Variants in SLFN12 observed in about 807,000 individuals in gnomAD.
SLFN12 encodes the protein schlafen family member 12, also known as ribonuclease SLFN12.
Under a neutral mutation model 29.1 loss-of-function variants are expected in SLFN12, and 25 were observed. That is an observed-to-expected ratio of 0.86 (90% CI 0.63 to 1.20). SLFN12 has a LOEUF of 1.20. Ranked by LOEUF, SLFN12 falls within the 50% of genes most tolerant of loss-of-function variation. The pLI, the probability that SLFN12 is intolerant of heterozygous loss-of-function variation, is 0.00. For missense variants in SLFN12, 660 were observed against 666.2 expected (o/e 0.99, Z 0.10); for synonymous variants, 257 against 238.7 (o/e 1.08, Z -0.71).
intron 3 of SLFN12, among the ~76,000 whole-genome samples, chr17:35,416,425 A>G (rs560329405): frequency 5.9e-5 from 9 of 152,252 alleles, no homozygotes; most frequent in African/African-American, 2.2e-4. Context: ...TGATAGCTGC[A>G]CCAAAATCTC....
intron 3 of SLFN12, among the ~76,000 whole-genome samples, chr17:35,415,293 G>A (rs1385166823): frequency 6.6e-6 from 1 of 151,964 alleles, no homozygotes; most frequent in East Asian, 1.9e-4. Context: ...AATGGTGCTG[G>A]GATAATCGGC....
At chr17:35,427,647 C>A (rs1482610708) in intron 1 of SLFN12, among the ~76,000 whole-genome samples, 1 of 152,066 alleles carries the variant, frequency 6.6e-6, no homozygotes, top group Admixed American at 6.6e-5. Flanking sequence ...ATAGTATATA[C>A]AACAAGTTTT....
At position 35,411,447 on chromosome 17, in the gene SLFN12, G is replaced by T; in HGVS notation, c.1628C>A (p.Ser543Tyr). The change falls in exon 4 of 4, where the codon TCT becomes TAT. Residue 543 changes from serine to tyrosine, a missense_variant. Physicochemically the swap from Ser to Tyr is moderately radical, Grantham distance 144. Transcript: ENST00000304905. ...TGCAAAGGAAAACTGGTCTCTCAGAGACTTGAGTCTCTTTAAGGCTTTAAA... is the reference window on the plus strand; with the variant it reads ...TGCAAAGGAAAACTGGTCTCTCAGATACTTGAGTCTCTTTAAGGCTTTAAA... ...ALFKALKRLK[S>Y]LRDQFSFAEN... 6.2e-7 allele frequency: 1 copy of T among 1,613,634 alleles called. No individual in the cohort carries two copies. The highest frequency in any genetic ancestry group is 8.5e-7 in the Non-Finnish European group (1 of 1,179,802).
intron 2 of SLFN12, 113 bp from the exon 3 acceptor site, chr17:35,420,494 A>G: frequency 4.5e-6 from 3 of 669,870 alleles, no homozygotes; most frequent in Non-Finnish European, 7.3e-6. Flanking sequence ...TTTCCAAAAA[A>G]AAATTAATGT....
In SLFN12 at chr17:35,419,815, G is replaced by A. The variant is rs536169326; in HGVS notation, c.1147+459C>T. ...TCTTGCACATATGCACTAGAAGACCGACTAAGAATGTTCAAGGTAACACTG... is the reference window on the plus strand; with the variant it reads ...TCTTGCACATATGCACTAGAAGACCAACTAAGAATGTTCAAGGTAACACTG... On this transcript the variant is annotated intron_variant, in intron 3 of 3. Coordinates refer to ENST00000304905, the MANE Select transcript of SLFN12 (RefSeq NM_018042.5). Among the ~76,000 whole-genome samples the A allele has an allele frequency of 8.5e-5, 13 of 152,162 alleles. No individual in the cohort carries two copies. The South Asian group carries it at 2.3e-3, about 27-fold the overall frequency.
intron 1 of SLFN12, 60 bp downstream of exon 1, chr17:35,432,128 C>G (rs2142054775): frequency 6.6e-6 from 1 of 152,242 alleles, no homozygotes; most frequent in Non-Finnish European, 1.5e-5. Context: ...AGAGATTTAC[C>G]TGTATGGAGC....
At chr17:35,424,017 C>A (rs556239032) in intron 1 of SLFN12, among the ~76,000 whole-genome samples, 2 of 152,090 alleles carry the variant, frequency 1.3e-5, no homozygotes, top group South Asian at 2.1e-4. Flanking sequence ...ACCCAGCTTG[C>A]GGTATTTTGT....
intron 3 of SLFN12, among the ~76,000 whole-genome samples, chr17:35,414,646 A>G (rs908050852): frequency 1.3e-5 from 2 of 151,986 alleles, no homozygotes; most frequent in African/African-American, 4.8e-5. Flanking sequence ...AAGCTTCTAG[A>G]TTTGATAAAT....
At chr17:35,415,783 G>A (rs538779539) in intron 3 of SLFN12, among the ~76,000 whole-genome samples, 10 of 152,234 alleles carry the variant, frequency 6.6e-5, no homozygotes, top group African/African-American at 2.4e-4. Flanking sequence ...AATGATCATG[G>A]AAATGAAAAT....
intron 2 of SLFN12, 81 bp from the exon 3 acceptor site, chr17:35,420,462 G>T: frequency 3.6e-6 from 3 of 826,370 alleles, no homozygotes; most frequent in Non-Finnish European, 5.6e-6. Context: ...TATATTAAAA[G>T]TCTACTTGTA....
At position 35,422,139 on chromosome 17, in the gene SLFN12, C is replaced by T. The variant is rs1197310568; in HGVS notation, c.890G>A (p.Ser297Asn). 1.9e-6 allele frequency: 3 copies of T among 1,614,118 alleles called. No homozygotes were observed. Among genetic ancestry groups the T allele is most frequent in the Non-Finnish European group, 2.5e-6 (3 of 1,180,006 alleles). ...CKFLGVYDKG[S>N]LCGYVCALRV... is the part of the protein sequence containing the mutation. ...GAGTGCACAGACATATCCACAAAGA[C>T]TTCCTTTATCATATACTCCAAGGAA... Residue 297 changes from serine to asparagine, a missense_variant, in exon 2 of 4, where the codon AGT becomes AAT. Coordinates refer to ENST00000304905, the MANE Select transcript of SLFN12 (RefSeq NM_018042.5).
At chr17:35,424,114 T>A (rs1911862626) in intron 1 of SLFN12, among the ~76,000 whole-genome samples, 1 of 152,204 alleles carries the variant, frequency 6.6e-6, no homozygotes, top group Non-Finnish European at 1.5e-5. Context: ...TCTATTAGGA[T>A]CACTGCTTTG....
chr17:35,422,026 T>C lies in SLFN12; in HGVS notation c.1003A>G (p.Lys335Glu), dbSNP rs766812481. The C allele has an allele frequency of 3.1e-6, 5 of 1,614,080 alleles. No homozygotes were observed. The highest frequency in any genetic ancestry group is 4.2e-6 in the Non-Finnish European group (5 of 1,179,994). The change falls in exon 2 of 4, where the codon AAG becomes GAG. Residue 335 changes from lysine to glutamate, a missense_variant. Coordinates refer to ENST00000304905, the MANE Select transcript of SLFN12 (RefSeq NM_018042.5). ...KDNRVMQLTR[K>E]EWIQFMVEAE... is the part of the protein sequence containing the mutation. ...TCCACCATGAACTGGATCCATTCCT[T>C]CCTGGTCAACTGCATCACACGGTTA...
At chr17:35,426,055 G>C (rs1044496985) in intron 1 of SLFN12, among the ~76,000 whole-genome samples, 1 of 150,892 alleles carries the variant, frequency 6.6e-6, no homozygotes, top group East Asian at 1.9e-4. Context: ...TAGTAATGTT[G>C]AGCATTATTT....
Position 35,420,254 on chromosome 17 carries a change from A to G in SLFN12, c.1147+20T>C. The G allele has an allele frequency of 6.4e-7, 1 of 1,570,378 alleles. No individual in the cohort carries two copies. The highest frequency in any genetic ancestry group is 1.1e-5 in the South Asian group (1 of 89,596). On this transcript the variant is annotated intron_variant, in intron 3 of 3. Coordinates refer to ENST00000304905, the MANE Select transcript of SLFN12 (RefSeq NM_018042.5). ...ACTACAGTCACACTAACAAATCCGA[A>G]GAAGCCAGAATGAAATTACCTGGAC...
chr17:35,420,336 G>T lies in SLFN12; in HGVS notation c.1085C>A (p.Ser362Ter), dbSNP rs780046876. Residue 362 changes from serine (S) to a stop codon, truncating the protein, a stop_gained, in exon 3 of 4, where the codon TCA becomes TAA. Coordinates refer to ENST00000304905, the MANE Select transcript of SLFN12 (RefSeq NM_018042.5). LOFTEE classifies it high-confidence loss of function. ...YEEVISQINT[S>*]LPAPHSWPLL... is the part of the protein sequence containing the mutation. ...AGGCCAACTGTGGGGAGCAGGTAAT[G>T]ACGTATTTATTTGAGAGATCACCTC... The T allele has an allele frequency of 1.2e-6, 2 of 1,613,828 alleles. No homozygotes were observed. The highest frequency in any genetic ancestry group is 8.5e-7 in the Non-Finnish European group (1 of 1,179,822).
intron 1 of SLFN12, among the ~76,000 whole-genome samples, chr17:35,428,103 ATAAT>A (rs1912111752): frequency 6.6e-6 from 1 of 152,184 alleles, no homozygotes; most frequent in African/African-American, 2.4e-5. Context: ...CCTTAGGTAC[ATAAT>A]TAAGCTGAAA....
chr17:35,432,075 C>G (rs1912351073), intron 1 of SLFN12, 113 bp downstream of exon 1: 1 of 152,242 alleles, frequency 6.6e-6, no homozygotes, highest in Non-Finnish European at 1.5e-5. Flanking sequence ...TGTCTAGGCG[C>G]TACCCACCAA....
At position 35,411,259 on chromosome 17, in the gene SLFN12, A is replaced by C; in HGVS notation, c.*79T>G. 8.6e-7 allele frequency: 1 copy of C among 1,167,160 alleles called. No individual in the cohort carries two copies. Among genetic ancestry groups the C allele is most frequent in the South Asian group, 1.7e-5 (1 of 60,088 alleles). The allele number at this position is 1,167,160 out of a possible 1,614,324, so 72.3% of individuals were successfully genotyped here. A position where few individuals can be genotyped will look rare whatever the true frequency, so the allele number is the denominator to read the frequency against. On this transcript the variant is annotated 3_prime_UTR_variant, in exon 4 of 4. Transcript: ENST00000304905. The stretch of plus-strand genomic sequence containing the variant: ...AAGTTGCTTAACTTGCAAAGTTTTC[A>C]AAGAAATATTTTCACAGAATTAGAG...
Sources: allele counts gnomAD v4.1 joint callset (sites outside exome capture counted in the v4.1 genomes callset), GRCh38; gene constraint gnomAD v4.1.1; transcripts MANE v1.5; gene names NCBI Gene and HGNC (gene_info 2026-07-23, HGNC 2026-07-21).